Variants in RALGPS1 observed in about 807,000 individuals in gnomAD.
RALGPS1 encodes ras-specific guanine nucleotide-releasing factor RalGPS1.
A neutral mutation model predicts 78.8 loss-of-function variants in RALGPS1; 19 were observed. That is an observed-to-expected ratio of 0.24 (90% confidence interval 0.17 to 0.35). The LOEUF (loss-of-function observed/expected upper bound fraction) is 0.35, where lower values mean the gene tolerates loss of function less well. Ranked by LOEUF, RALGPS1 falls within the 10% of genes least tolerant of loss-of-function variation. The probability of loss-of-function intolerance (pLI) is 1.00; values close to 1 mark genes in which losing one functional copy is unlikely to be tolerated. For synonymous variants in RALGPS1, 228 were observed against 256.3 expected (o/e 0.89, Z 1.06); for missense variants, 454 against 688.3 (o/e 0.66, Z 3.81).
intron 3 of RALGPS1, among the ~76,000 whole-genome samples, chr9:126,967,188 G>A (rs553009300): frequency 2.0e-5 from 3 of 152,216 alleles, no homozygotes; most frequent in African/African-American, 7.2e-5. Flanking sequence ...GTGTGTCTGA[G>A]GGATCATTTT....
chr9:127,119,417 T>C lies in RALGPS1; in HGVS notation c.611-46652T>C, dbSNP rs181800730. Reference sequence around the variant, plus strand: ...CCAGTGACAGTCAGGATAAGAGAAGTTGAGGTGTCTAAACAAGGCACTGAA... The same window carrying C: ...CCAGTGACAGTCAGGATAAGAGAAGCTGAGGTGTCTAAACAAGGCACTGAA... On this transcript the variant is annotated intron_variant, in intron 8 of 18. Transcript: ENST00000259351. 1.9e-4 allele frequency among the ~76,000 whole-genome samples: 29 copies of C among 152,182 alleles called. No individual in the cohort carries two copies. The East Asian group carries it at 5.6e-3, about 29-fold the overall frequency.
intron 8 of RALGPS1, among the ~76,000 whole-genome samples, chr9:127,115,136 C>T (rs1054528458): frequency 6.6e-6 from 1 of 152,092 alleles, no homozygotes; most frequent in African/African-American, 2.4e-5. Flanking sequence ...GAGTAGGGGA[C>T]CATACATCCT....
intron 3 of RALGPS1, among the ~76,000 whole-genome samples, chr9:126,975,232 C>A (rs2040491165): frequency 6.6e-6 from 1 of 152,152 alleles, no homozygotes; most frequent in African/African-American, 2.4e-5. Context: ...CTGGTGACCT[C>A]TGTTGTTGTT....
intron 5 of RALGPS1, among the ~76,000 whole-genome samples, chr9:127,047,075 G>A (rs1296888041): frequency 6.6e-6 from 1 of 150,994 alleles, no homozygotes; most frequent in African/African-American, 2.4e-5. Flanking sequence ...TAAACAAATA[G>A]ACCTTTTGGA....
chr9:127,072,404 G>A (rs542625471), intron 8 of RALGPS1, among the ~76,000 whole-genome samples: 2 of 152,170 alleles, frequency 1.3e-5, no homozygotes, highest in Admixed American at 1.3e-4. Context: ...TTGTAGAGAC[G>A]AGGTTTCGCC....
At chr9:127,176,878 C>A (rs115307349) in intron 11 of RALGPS1, among the ~76,000 whole-genome samples, 1 of 152,196 alleles carries the variant, frequency 6.6e-6, no homozygotes, top group Non-Finnish European at 1.5e-5. Context: ...ACAGGCCACA[C>A]CCTAGCCTCA....
At chr9:127,159,078 G>C (rs1055152200) in intron 8 of RALGPS1, among the ~76,000 whole-genome samples, 1 of 151,956 alleles carries the variant, frequency 6.6e-6, no homozygotes, top group Admixed American at 6.6e-5. Flanking sequence ...TCATTGAAGG[G>C]TTAAATGAGC....
chr9:126,918,442 T>G (rs899763827), intron 1 of RALGPS1, among the ~76,000 whole-genome samples: 5 of 152,012 alleles, frequency 3.3e-5, no homozygotes, highest in Admixed American at 3.3e-4. Flanking sequence ...GCTCAAATGA[T>G]CCTCCCACCG....
chr9:127,184,225 A>T, intron 11 of RALGPS1: 1 of 576,482 alleles, frequency 1.7e-6, no homozygotes, highest in Non-Finnish European at 3.0e-6. Flanking sequence ...CTCAGGGCTT[A>T]GGCGAGATCG....
At position 127,212,479 on chromosome 9, in the gene RALGPS1, A is replaced by C. The variant is rs2062325811; in HGVS notation, c.1354-148A>C. 3.1e-6 allele frequency: 2 copies of C among 652,016 alleles called. No homozygotes were observed. Among genetic ancestry groups the C allele is most frequent in the Admixed American group, 3.0e-5 (1 of 32,820 alleles). The allele number at this position is 652,016 out of a possible 1,614,324, so 40.4% of individuals were successfully genotyped here. A position where few individuals can be genotyped will look rare whatever the true frequency, so the allele number is the denominator to read the frequency against. ...CGCCTCCTGTCTTGGTCCTAGGTGG[A>C]AGTTGGCATTGCCAGGGGGTGGTGG... is the stretch of plus-strand genomic sequence containing the variant. On this transcript the variant is annotated intron_variant, in intron 15 of 18. Transcript: ENST00000259351. The surrounding 1 kb of genome is among the most constrained non-coding windows in gnomAD (Gnocchi z 6.0).
chr9:127,083,247 G>A (rs1425044720), intron 8 of RALGPS1, among the ~76,000 whole-genome samples: 2 of 152,228 alleles, frequency 1.3e-5, no homozygotes, highest in Non-Finnish European at 2.9e-5. Flanking sequence ...CTTCCACCTA[G>A]CTCTGCTCCA....
chr9:127,209,191 C>T (rs566611420), intron 14 of RALGPS1, among the ~76,000 whole-genome samples: 56 of 152,340 alleles, frequency 3.7e-4, no homozygotes, highest in African/African-American at 1.3e-3. Flanking sequence ...CAGAAGAAAG[C>T]CCCGGGGCTG....
intron 1 of RALGPS1, among the ~76,000 whole-genome samples, chr9:126,915,945 A>G (rs1364832554): frequency 6.6e-6 from 1 of 152,098 alleles, no homozygotes; most frequent in Admixed American, 6.6e-5. Flanking sequence ...CAGCCTGTTA[A>G]GTGGGGAGAG....
chr9:127,127,856 G>A (rs201284609), intron 8 of RALGPS1, among the ~76,000 whole-genome samples: 1 of 149,396 alleles, frequency 6.7e-6, no homozygotes, highest in Non-Finnish European at 1.5e-5. Context: ...CGATTGTCCT[G>A]AAAAAAAAAA....
chr9:127,144,008 A>C (rs1352689202), intron 8 of RALGPS1, among the ~76,000 whole-genome samples: 1 of 152,172 alleles, frequency 6.6e-6, no homozygotes. Context: ...AGCCTGAGTG[A>C]GACTAGCCCC....
At chr9:127,106,269 C>T (rs2054206349) in intron 8 of RALGPS1, among the ~76,000 whole-genome samples, 1 of 152,138 alleles carries the variant, frequency 6.6e-6, no homozygotes, top group South Asian at 2.1e-4. Flanking sequence ...ACGTTTTACC[C>T]TCTCGGTATT....
At chr9:127,035,810 A>G (rs1367348608) in intron 5 of RALGPS1, among the ~76,000 whole-genome samples, 1 of 152,070 alleles carries the variant, frequency 6.6e-6, no homozygotes, top group Non-Finnish European at 1.5e-5. Flanking sequence ...GGGGCTGCAC[A>G]CTGTTTGTTT....
chr9:127,034,623 G>C, intron 5 of RALGPS1, 109 bp downstream of exon 5: 2 of 927,954 alleles, frequency 2.2e-6, no homozygotes, highest in Non-Finnish European at 3.5e-6. Flanking sequence ...GCTGGCCCCA[G>C]ATCCAGCTTC....
chr9:127,172,256 C>T (rs1329961636), intron 10 of RALGPS1, among the ~76,000 whole-genome samples: 1 of 152,256 alleles, frequency 6.6e-6, no homozygotes, highest in Non-Finnish European at 1.5e-5. Context: ...TTCTCTCCCT[C>T]AGCACTGCAG....
Sources: allele counts gnomAD v4.1 joint callset (sites outside exome capture counted in the v4.1 genomes callset), GRCh38; gene constraint gnomAD v4.1.1; non-coding constraint Gnocchi (gnomAD v3.1); transcripts MANE v1.5; gene names NCBI Gene and HGNC (gene_info 2026-07-23, HGNC 2026-07-21).